The following CACNA2D3 variants were observed in gnomAD, a reference collection of about 807,000 sequenced individuals.
CACNA2D3 encodes the protein voltage-dependent calcium channel subunit alpha-2/delta-3.
Under a neutral mutation model 160.6 loss-of-function variants are expected in CACNA2D3, and 60 were observed. The observed-to-expected ratio is 0.37, with a 90% CI of 0.30 to 0.46. The LOEUF is 0.46. CACNA2D3 is among the 20% of genes least tolerant of loss of function. The pLI is 1.00. For synonymous variants in CACNA2D3, 558 were observed against 492.9 expected, an observed-to-expected ratio of 1.13 and a Z score of -1.75; for missense variants, 1,205 against 1,365.0, an observed-to-expected ratio of 0.88 and a Z score of 1.85.
At chr3:54,735,359 T>A (rs1701475658) in intron 11 of CACNA2D3, among the ~76,000 whole-genome samples, 1 of 152,156 alleles carries the variant, frequency 6.6e-6, no homozygotes, top group African/African-American at 2.4e-5. Context: ...ACACATCACA[T>A]TGAGCACAGG....
chr3:54,240,977 G>T (rs112016201), intron 2 of CACNA2D3, among the ~76,000 whole-genome samples: 72 of 152,242 alleles, frequency 4.7e-4, no homozygotes, highest in African/African-American at 1.6e-3. Context: ...CTGACCTCAA[G>T]TGATCCACTC....
chr3:54,656,140 G>A (rs1004584742), intron 11 of CACNA2D3, among the ~76,000 whole-genome samples: 2 of 152,234 alleles, frequency 1.3e-5, no homozygotes, highest in African/African-American at 2.4e-5. Flanking sequence ...GTGCCTCTGA[G>A]TAGGCATCCT....
chr3:54,142,053 G>C (rs1430769495), intron 2 of CACNA2D3, among the ~76,000 whole-genome samples: 2 of 152,190 alleles, frequency 1.3e-5, no homozygotes, highest in South Asian at 2.1e-4. Flanking sequence ...ACCTGCTCTG[G>C]TCTGGGTTCG....
intron 9 of CACNA2D3, among the ~76,000 whole-genome samples, chr3:54,594,996 G>A (rs944124109): frequency 2.0e-5 from 3 of 152,060 alleles, no homozygotes; most frequent in Non-Finnish European, 2.9e-5. Context: ...TTACCTTTCC[G>A]GCATGGTTCA....
chr3:54,405,131 A>G (rs191296372), intron 4 of CACNA2D3, among the ~76,000 whole-genome samples: 4 of 151,888 alleles, frequency 2.6e-5, no homozygotes, highest in Non-Finnish European at 4.4e-5. Context: ...GTACTGTACT[A>G]TACTATACTA....
chr3:54,982,585 C>G (rs1438637820), intron 29 of CACNA2D3, among the ~76,000 whole-genome samples: 2 of 151,988 alleles, frequency 1.3e-5, no homozygotes, highest in African/African-American at 4.8e-5. Flanking sequence ...GTTCTTGGAT[C>G]TCATGTAAGA....
chr3:54,880,977 G>C, intron 21 of CACNA2D3, 114 bp downstream of exon 21: 2 of 832,246 alleles, frequency 2.4e-6, no homozygotes, highest in Admixed American at 3.6e-5. Context: ...CCAGTCCCTT[G>C]GACATTCCAC....
intron 34 of CACNA2D3, 114 bp downstream of exon 34, chr3:55,009,557 G>A: frequency 2.0e-6 from 2 of 988,038 alleles, no homozygotes; most frequent in South Asian, 1.4e-5. Context: ...ACAAAGTGAT[G>A]ATTTTTCAGC....
At chr3:54,189,101 AG>A (rs1700934515) in intron 2 of CACNA2D3, among the ~76,000 whole-genome samples, 1 of 152,354 alleles carries the variant, frequency 6.6e-6, no homozygotes, top group South Asian at 2.1e-4. Context: ...GAGGGAAATG[AG>A]GGCTGAAATT....
chr3:54,955,647 G>A (rs1701868716), intron 27 of CACNA2D3, among the ~76,000 whole-genome samples: 1 of 152,118 alleles, frequency 6.6e-6, no homozygotes, highest in Non-Finnish European at 1.5e-5. Context: ...CCAACAGAAT[G>A]TTGGTGGAAT....
intron 31 of CACNA2D3, among the ~76,000 whole-genome samples, chr3:55,002,843 A>G (rs986341811): frequency 2.0e-5 from 3 of 152,136 alleles, no homozygotes; most frequent in Non-Finnish European, 4.4e-5. Flanking sequence ...TGGTACCCAC[A>G]GACGACTGTG....
At chr3:54,315,464 C>A (rs1703838077) in intron 2 of CACNA2D3, among the ~76,000 whole-genome samples, 1 of 152,194 alleles carries the variant, frequency 6.6e-6, no homozygotes, top group Non-Finnish European at 1.5e-5. Flanking sequence ...ACAAAATCAA[C>A]AAAACAAGTG....
intron 2 of CACNA2D3, among the ~76,000 whole-genome samples, chr3:54,291,483 C>T (rs181949629): frequency 1.3e-5 from 2 of 152,218 alleles, no homozygotes; most frequent in East Asian, 3.9e-4. Flanking sequence ...GTTCATAGAA[C>T]CTCTTGTCAT....
chr3:54,453,159 T>C (rs1700338147), intron 4 of CACNA2D3, among the ~76,000 whole-genome samples: 1 of 152,020 alleles, frequency 6.6e-6, no homozygotes. Context: ...ACCCAGCTAA[T>C]TTTTTGTATT....
chr3:54,697,349 C>T (rs1195596295), intron 11 of CACNA2D3, among the ~76,000 whole-genome samples: 1 of 152,154 alleles, frequency 6.6e-6, no homozygotes, highest in Non-Finnish European at 1.5e-5. Context: ...CAGAGTCAGA[C>T]TCAGGTATCT....
intron 6 of CACNA2D3, among the ~76,000 whole-genome samples, chr3:54,569,359 A>G (rs553211463): frequency 7.2e-5 from 11 of 152,194 alleles, no homozygotes; most frequent in Non-Finnish European, 1.3e-4. Flanking sequence ...CATTGTATCT[A>G]TGCTTTCAAC....
chr3:54,528,496 A>G (rs1701759111), intron 5 of CACNA2D3, among the ~76,000 whole-genome samples: 1 of 152,090 alleles, frequency 6.6e-6, no homozygotes, highest in South Asian at 2.1e-4. Flanking sequence ...GTATCACATA[A>G]AAGCCCAATG....
intron 9 of CACNA2D3, among the ~76,000 whole-genome samples, chr3:54,618,348 C>CAT (rs1553752911): frequency 4.1e-4 from 7 of 16,972 alleles, no homozygotes; most frequent in Non-Finnish European, 8.0e-4. Context: ...GATGTTGATA[C>CAT]ATACATATAT....
chr3:54,686,710 A>T (rs79766990), intron 11 of CACNA2D3, among the ~76,000 whole-genome samples: 2,421 of 152,296 alleles, frequency 0.016, 59 homozygotes, highest in African/African-American at 0.054. Context: ...TAGTAATTTC[A>T]GTGGATTATG....
Sources: gnomAD v4.1 joint callset for allele counts (sites outside exome capture counted in the v4.1 genomes callset) on GRCh38, gnomAD v4.1.1 for gene constraint, MANE v1.5 for transcripts, NCBI Gene and HGNC (gene_info 2026-07-23, HGNC 2026-07-21) for gene names.